LARP1B: variants seen among roughly 807,000 people sequenced by gnomAD.
LARP1B encodes la-related protein 1B.
A neutral mutation model predicts 114.2 loss-of-function variants in LARP1B; 76 were observed. That is an observed-to-expected ratio of 0.67 (90% CI 0.55 to 0.81). LARP1B has a LOEUF of 0.81. Ranked by LOEUF, LARP1B falls within the 30% of genes least tolerant of loss-of-function variation. The pLI, the probability that LARP1B is intolerant of heterozygous loss-of-function variation, is 0.00. For synonymous variants in LARP1B, 345 were observed against 348.0 expected (o/e 0.99, Z 0.10); for missense variants, 1,014 against 1,075.8 (o/e 0.94, Z 0.80).
chr4:128,150,164 A>G (rs117260293), intron 11 of LARP1B, among the ~76,000 whole-genome samples: 2,734 of 152,156 alleles, frequency 0.018, 65 homozygotes, highest in East Asian at 0.1. Context: ...ACAAAACAAA[A>G]CAACAACAAC....
In LARP1B at chr4:128,211,877, TTAG is replaced by T. The variant is rs1759040818; in HGVS notation, c.*1829_*1831del. On this transcript the variant is annotated 3_prime_UTR_variant, in exon 20 of 20. Transcript: ENST00000326639. ...TCAGGAGTTTTGTGGTTTGTATTAA[TTAG>T]TAGTTTTATCATATTTTTATTATAA... 4 of 439,638 alleles carry T rather than the reference TTAG, an allele frequency of 9.1e-6. No homozygotes were observed. Among genetic ancestry groups the T allele is most frequent in the Non-Finnish European group, 1.2e-5 (4 of 331,116 alleles). The allele number at this position is 439,638 out of a possible 1,614,324, so 27.2% of individuals were successfully genotyped here.
intron 11 of LARP1B, chr4:128,156,193 C>T (rs1251942179): frequency 1.2e-6 from 2 of 1,607,282 alleles, no homozygotes; most frequent in African/African-American, 2.7e-5. Flanking sequence ...TCCAACCCTC[C>T]TCGCTTTGTG....
At chr4:128,071,203 C>T (rs1217162433) in intron 1 of LARP1B, among the ~76,000 whole-genome samples, 3 of 151,894 alleles carry the variant, frequency 2.0e-5, no homozygotes, top group Admixed American at 6.6e-5. Flanking sequence ...CCCGCCACCA[C>T]ACCCAGCTAA....
intron 11 of LARP1B, among the ~76,000 whole-genome samples, chr4:128,129,646 A>G (rs1790926832): frequency 6.6e-6 from 1 of 152,226 alleles, no homozygotes; most frequent in Non-Finnish European, 1.5e-5. Context: ...AGCTGCAGTA[A>G]TGAAGGCAGT....
chr4:128,112,801 CTAGAGCTTTTCCT>C (rs916960954), intron 9 of LARP1B, among the ~76,000 whole-genome samples: 1 of 152,020 alleles, frequency 6.6e-6, no homozygotes, highest in Non-Finnish European at 1.5e-5. Flanking sequence ...CAGCACAGTT[CTAGAGCTTTTCCT>C]GTTATGAAAC....
chr4:128,134,699 G>A (rs1398781260), intron 11 of LARP1B, among the ~76,000 whole-genome samples: 3 of 152,150 alleles, frequency 2.0e-5, no homozygotes, highest in African/African-American at 4.8e-5. Flanking sequence ...TATCTGATAA[G>A]GGATTAGTAT....
Position 128,075,095 on chromosome 4 carries a change from G to T in LARP1B, c.42+102G>T, listed in dbSNP as rs959880279. On this transcript the variant is annotated intron_variant, in intron 3 of 19. Coordinates refer to ENST00000326639, the MANE Select transcript of LARP1B (RefSeq NM_018078.4). Reference sequence around the variant, plus strand: ...TTAAAATGTAAAGAATTGTCATACTGGGGGACAGATTTTTTTTATTTTTTT... The same window carrying T: ...TTAAAATGTAAAGAATTGTCATACTTGGGGACAGATTTTTTTTATTTTTTT... The T allele has an allele frequency of 9.9e-5, 80 of 810,540 alleles. 1 individual carries two copies. Among genetic ancestry groups the T allele is most frequent in the Middle Eastern group, 2.5e-4 (1 of 3,952 alleles). The allele number at this position is 810,540 out of a possible 1,614,324, so 50.2% of individuals were successfully genotyped here.
At chr4:128,168,397 A>G (rs548020414) in intron 12 of LARP1B, among the ~76,000 whole-genome samples, 3 of 152,042 alleles carry the variant, frequency 2.0e-5, no homozygotes, top group Non-Finnish European at 2.9e-5. Flanking sequence ...TGCCTGCTCA[A>G]ATCTTTGGAC....
chr4:128,098,767 A>ATATTTTT (rs1328165907), intron 8 of LARP1B, among the ~76,000 whole-genome samples: 1 of 35,036 alleles, frequency 2.9e-5, no homozygotes, highest in African/African-American at 1.3e-4. Context: ...ATATATATAT[A>ATATTTTT]TTTTTTTTTT....
intron 11 of LARP1B, among the ~76,000 whole-genome samples, chr4:128,135,841 C>G (rs1793188345): frequency 6.6e-6 from 1 of 152,056 alleles, no homozygotes; most frequent in Admixed American, 6.6e-5. Flanking sequence ...TTTTGGAGAT[C>G]TATTGCACAG....
intron 17 of LARP1B, among the ~76,000 whole-genome samples, chr4:128,203,243 G>A (rs984637851): frequency 1.3e-5 from 2 of 152,078 alleles, no homozygotes; most frequent in African/African-American, 4.8e-5. Flanking sequence ...GGGTTATTGT[G>A]AAGATTACAC....
Position 128,069,318 on chromosome 4 carries a change from C to G in LARP1B, c.-77-5142C>G, listed in dbSNP as rs545765135. ...AGCCCCACAGTGGCATCCAGCTTGC[C>G]GCTTTGCAATGGACTGAAGACTTTG... is the stretch of plus-strand genomic sequence containing the variant. On this transcript the variant is annotated intron_variant, in intron 1 of 19. Coordinates refer to ENST00000326639, the MANE Select transcript of LARP1B (RefSeq NM_018078.4). The G allele has an allele frequency of 1.2e-5, 10 of 817,182 alleles. No individual in the cohort carries two copies. The East Asian group carries it at 2.4e-4, about 20-fold the overall frequency. 50.6% of individuals were successfully genotyped at this position (817,182 alleles called of 1,614,324 possible).
Position 128,101,407 on chromosome 4 carries a change from A to G in LARP1B, c.813+3077A>G, listed in dbSNP as rs150516669. Reference sequence around the variant, plus strand: ...AATTGATTTTACTATAGTAAAGTCCATGTTTTGAAAATAACATAAAATAAT... The same window carrying G: ...AATTGATTTTACTATAGTAAAGTCCGTGTTTTGAAAATAACATAAAATAAT... On this transcript the variant is annotated intron_variant, in intron 8 of 19. Transcript: ENST00000326639. Among the ~76,000 whole-genome samples the G allele has an allele frequency of 8.3e-3, 1,262 of 152,106 alleles. 9 individuals are homozygous for G. The highest frequency in any genetic ancestry group is 0.013 in the Non-Finnish European group (875 of 67,980).
At chr4:128,097,003 A>T (rs1313277859) in intron 7 of LARP1B, among the ~76,000 whole-genome samples, 7 of 151,916 alleles carry the variant, frequency 4.6e-5, no homozygotes, top group African/African-American at 1.7e-4. Flanking sequence ...GGTGCAATTG[A>T]TTCTCCTGCC....
chr4:128,116,297 A>G (rs1194880769), intron 10 of LARP1B, among the ~76,000 whole-genome samples: 8 of 152,246 alleles, frequency 5.3e-5, no homozygotes, highest in African/African-American at 1.9e-4. Context: ...ATCAAAGTCA[A>G]TACCTTGTTT....
intron 16 of LARP1B, among the ~76,000 whole-genome samples, chr4:128,200,277 C>T (rs1242849253): frequency 6.6e-6 from 1 of 152,078 alleles, no homozygotes; most frequent in Non-Finnish European, 1.5e-5. Context: ...AACTGTTCCA[C>T]CTCAGATCAT....
chr4:128,209,909 G>A lies in LARP1B; in HGVS notation c.2601G>A (p.Glu867=), dbSNP rs755143615. The A allele has an allele frequency of 6.2e-7, 1 of 1,613,966 alleles. No individual in the cohort carries two copies. Among genetic ancestry groups the A allele is most frequent in the Non-Finnish European group, 8.5e-7 (1 of 1,179,900 alleles). The change falls in exon 20 of 20, where the codon GAG becomes GAA. Residue 867 remains glutamate (E), a synonymous_variant. Coordinates refer to ENST00000326639, the MANE Select transcript of LARP1B (RefSeq NM_018078.4). The part of the protein sequence containing the change: ...GRKRHSSTSG[E]ESNRHRLPPN... ...AAAGACATTCCTCTACTTCTGGTGA[G>A]GAGAGTAATCGTCATAGACTTCCAC...
At chr4:128,105,586 G>T (rs1781792260) in intron 8 of LARP1B, among the ~76,000 whole-genome samples, 1 of 152,094 alleles carries the variant, frequency 6.6e-6, no homozygotes, top group Non-Finnish European at 1.5e-5. Context: ...AGTCCTAATT[G>T]TAATTTAAAG....
At position 128,211,804 on chromosome 4, in the gene LARP1B, G is replaced by A. The variant is rs1329086837; in HGVS notation, c.*1751G>A. 3.0e-5 allele frequency: 25 copies of A among 841,434 alleles called. No individual in the cohort carries two copies. The highest frequency in any genetic ancestry group is 3.6e-5 in the Non-Finnish European group (25 of 698,910). 52.1% of individuals were successfully genotyped at this position (841,434 alleles called of 1,614,324 possible). On this transcript the variant is annotated 3_prime_UTR_variant, in exon 20 of 20. Transcript: ENST00000326639. Reference sequence around the variant, plus strand: ...TATTTCTACTCAACTGAATATACAAGTGTAAATTTGATTGGAAAATTGTAT... The same window carrying A: ...TATTTCTACTCAACTGAATATACAAATGTAAATTTGATTGGAAAATTGTAT...
Sources: gnomAD v4.1 joint callset for allele counts (sites outside exome capture counted in the v4.1 genomes callset) on GRCh38, gnomAD v4.1.1 for gene constraint, MANE v1.5 for transcripts, NCBI Gene and HGNC (gene_info 2026-07-23, HGNC 2026-07-21) for gene names.